The following VEGFC variants were observed in gnomAD, a reference collection of about 807,000 sequenced individuals.
VEGFC encodes FLT4 ligand DHM.
In VEGFC, 12 loss-of-function variants were observed where a neutral mutation model predicts 46.1. That is an observed-to-expected ratio of 0.26 (90% CI 0.17 to 0.42). The LOEUF is 0.42. VEGFC is among the 10% of genes least tolerant of loss of function. The pLI, the probability that VEGFC is intolerant of heterozygous loss-of-function variation, is 1.00. For synonymous variants in VEGFC, 232 were observed against 195.5 expected (o/e 1.19, Z -1.56); for missense variants, 488 against 529.4 (o/e 0.92, Z 0.77).
At chr4:176,695,790 C>T (rs182344987) in intron 4 of VEGFC, among the ~76,000 whole-genome samples, 12,237 of 151,572 alleles carry the variant, frequency 0.081, 1,597 homozygotes, top group African/African-American at 0.28. Flanking sequence ...CATGATCAAG[C>T]GGGCTTCATC....
intron 1 of VEGFC, among the ~76,000 whole-genome samples, chr4:176,753,878 T>A (rs894508758): frequency 6.6e-6 from 1 of 152,096 alleles, no homozygotes; most frequent in African/African-American, 2.4e-5. Context: ...CTTTTGGATA[T>A]CTGATTTCTT....
chr4:176,687,995 C>A, intron 4 of VEGFC, 68 bp from the exon 5 acceptor site: 1 of 766,908 alleles, frequency 1.3e-6, no homozygotes, highest in South Asian at 1.9e-5. Flanking sequence ...TCTCTGCTCA[C>A]ATATGTATCA....
intron 1 of VEGFC, among the ~76,000 whole-genome samples, chr4:176,730,596 T>C (rs1267442035): frequency 6.6e-6 from 1 of 152,124 alleles, no homozygotes; most frequent in African/African-American, 2.4e-5. Flanking sequence ...AATATGTAAG[T>C]AAATACTTTG....
At chr4:176,789,947 A>G (rs1251511321) in intron 1 of VEGFC, among the ~76,000 whole-genome samples, 2 of 152,226 alleles carry the variant, frequency 1.3e-5, no homozygotes, top group African/African-American at 2.4e-5. Flanking sequence ...GATATTTAGC[A>G]TCTTCTGTTT....
intron 1 of VEGFC, among the ~76,000 whole-genome samples, chr4:176,785,164 C>G (rs1018597080): frequency 1.3e-5 from 2 of 152,146 alleles, no homozygotes; most frequent in African/African-American, 4.8e-5. Context: ...GCATACTTTA[C>G]TATTGCATAA....
intron 1 of VEGFC, among the ~76,000 whole-genome samples, chr4:176,779,040 G>C (rs1735863479): frequency 6.6e-6 from 1 of 152,108 alleles, no homozygotes; most frequent in African/African-American, 2.4e-5. Context: ...CCATATGCTA[G>C]AATGTATAGT....
chr4:176,724,608 C>G (rs1734842613), intron 3 of VEGFC, among the ~76,000 whole-genome samples: 2 of 152,170 alleles, frequency 1.3e-5, no homozygotes, highest in Admixed American at 6.5e-5. Flanking sequence ...AAATTAAGAT[C>G]TGAAGAGCTA....
chr4:176,734,400 A>C (rs1262801242), intron 1 of VEGFC, among the ~76,000 whole-genome samples: 1 of 151,880 alleles, frequency 6.6e-6, no homozygotes, highest in Non-Finnish European at 1.5e-5. Context: ...TAATAAATAA[A>C]TTAGTTATTA....
intron 1 of VEGFC, among the ~76,000 whole-genome samples, chr4:176,731,856 C>T (rs1039753132): frequency 6.6e-6 from 1 of 151,270 alleles, no homozygotes; most frequent in African/African-American, 2.4e-5. Context: ...AAATTAGTAC[C>T]GTAAAACTTC....
chr4:176,706,907 TCAAA>T (rs1291864527), intron 4 of VEGFC, among the ~76,000 whole-genome samples: 2 of 152,170 alleles, frequency 1.3e-5, no homozygotes, highest in Non-Finnish European at 1.5e-5. Context: ...ATCCAAATCC[TCAAA>T]CAAACACTGA....
intron 1 of VEGFC, among the ~76,000 whole-genome samples, chr4:176,765,404 A>T (rs1735602681): frequency 6.6e-6 from 1 of 152,152 alleles, no homozygotes; most frequent in African/African-American, 2.4e-5. Flanking sequence ...ATATTTAAAG[A>T]AGTAGTTTTC....
chr4:176,746,941 T>G (rs991363260), intron 1 of VEGFC, among the ~76,000 whole-genome samples: 1 of 152,136 alleles, frequency 6.6e-6, no homozygotes, highest in Non-Finnish European at 1.5e-5. Context: ...ATTGCTTGAG[T>G]GCTTCGATAT....
Position 176,792,415 on chromosome 4 carries a change from G to T in VEGFC, c.-104C>A. The T allele has an allele frequency of 1.1e-6, 1 of 904,446 alleles. No individual in the cohort carries two copies. Among genetic ancestry groups the T allele is most frequent in the South Asian group, 2.7e-5 (1 of 36,878 alleles). The allele number at this position is 904,446 out of a possible 1,614,324, so 56.0% of individuals were successfully genotyped here. A position where few individuals can be genotyped will look rare whatever the true frequency, so the allele number is the denominator to read the frequency against. ...GGCCCCTCCTGGTCCCTCTCCCCCG[G>T]GCTCCTCCCGGCGACCCCCCCTGGG... On this transcript the variant is annotated 5_prime_UTR_variant, in exon 1 of 7. Transcript: ENST00000618562. This position sits in a 1 kb window ranked among gnomAD's most constrained non-coding sequence, Gnocchi z 6.3.
chr4:176,683,882 G>C lies in VEGFC; in HGVS notation c.*44C>G. The C allele has an allele frequency of 6.5e-7, 1 of 1,534,220 alleles. No homozygotes were observed. The highest frequency in any genetic ancestry group is 9.0e-7 in the Non-Finnish European group (1 of 1,107,298). On this transcript the variant is annotated 3_prime_UTR_variant, in exon 7 of 7. Coordinates refer to ENST00000618562, the MANE Select transcript of VEGFC (RefSeq NM_005429.5). Reference sequence around the variant, plus strand: ...CAGACAGTTCTACTGTGGCAACACAGTTTTCCATAATAGAAAATCGATGAA... The same window carrying C: ...CAGACAGTTCTACTGTGGCAACACACTTTTCCATAATAGAAAATCGATGAA...
At chr4:176,771,770 G>A (rs1171829334) in intron 1 of VEGFC, among the ~76,000 whole-genome samples, 1 of 152,174 alleles carries the variant, frequency 6.6e-6, no homozygotes, top group African/African-American at 2.4e-5. Context: ...TTTATGGGAA[G>A]AGTGAATAAA....
At chr4:176,766,275 T>C (rs993346913) in intron 1 of VEGFC, among the ~76,000 whole-genome samples, 1 of 152,132 alleles carries the variant, frequency 6.6e-6, no homozygotes, top group African/African-American at 2.4e-5. Flanking sequence ...AAACTGTAGG[T>C]ATTTCTGTCA....
chr4:176,787,456 CAAA>C (rs11456080), intron 1 of VEGFC, among the ~76,000 whole-genome samples: 8 of 114,280 alleles, frequency 7.0e-5, no homozygotes, highest in Admixed American at 2.0e-4. Context: ...GACCCTGTCT[CAAA>C]AAAAAAAAAA....
rs142479135 is a variant in VEGFC at position 176,782,525 on chromosome 4, C to A, written c.147+9640G>T. On this transcript the variant is annotated intron_variant, in intron 1 of 6. Coordinates refer to ENST00000618562, the MANE Select transcript of VEGFC (RefSeq NM_005429.5). ...TTGAGAGAAAAATAAATTAGTGTGA[C>A]AATGAAAAATTACTATGAAGAAAAT... 1.4e-3 allele frequency among the ~76,000 whole-genome samples: 207 copies of A among 150,362 alleles called. 1 individual carries two copies. The highest frequency in any genetic ancestry group is 4.8e-3 in the African/African-American group (197 of 40,994).
chr4:176,729,398 ATTCT>A, intron 2 of VEGFC, 131 bp downstream of exon 2: 1 of 689,446 alleles, frequency 1.5e-6, no homozygotes. Flanking sequence ...TTTTGAAGTA[ATTCT>A]TTATTTTCTA....
Sources: allele counts gnomAD v4.1 joint callset (sites outside exome capture counted in the v4.1 genomes callset), GRCh38; gene constraint gnomAD v4.1.1; non-coding constraint Gnocchi (gnomAD v3.1); transcripts MANE v1.5; gene names NCBI Gene and HGNC (gene_info 2026-07-23, HGNC 2026-07-21).